Variants in TMEM94 observed in about 807,000 individuals in gnomAD.
The protein encoded by TMEM94 is ER Mg2+ ATPase.
Under a neutral mutation model 158.6 loss-of-function variants are expected in TMEM94, and 81 were observed. The ratio of observed to expected loss-of-function variants is 0.51; its 90% CI spans 0.43 to 0.61. TMEM94 has a LOEUF of 0.61. Ranked by LOEUF, TMEM94 falls within the 20% of genes least tolerant of loss-of-function variation. The probability of loss-of-function intolerance (pLI) is 0.00; values close to 1 mark genes in which losing one functional copy is unlikely to be tolerated. For synonymous variants in TMEM94, 751 were observed against 730.7 expected (o/e 1.03, Z -0.45); for missense variants, 1,435 against 1,762.0 (o/e 0.81, Z 3.32).
intron 2 of TMEM94, chr17:75,476,889 G>A (rs2050719857): frequency 1.6e-5 from 22 of 1,336,716 alleles, no homozygotes. Context: ...GGGTAGCTGG[G>A]ACCTGGGAAG....
chr17:75,495,341 T>C lies in TMEM94; in HGVS notation c.2786T>C (p.Leu929Pro). ...LLMEEEGHSDLISFQPTDSDI... is the reference protein window; with the variant it reads ...LLMEEEGHSDPISFQPTDSDI... ...ATGGAGGAGGAGGGCCACTCGGACC[T>C]CATCAGCTTCCAGCCTACGGACAGC... is the stretch of plus-strand genomic sequence containing the variant. Residue 929 changes from leucine (L) to proline (P), a missense_variant, in exon 21 of 32, where the codon CTC becomes CCC. Coordinates refer to ENST00000314256, the MANE Select transcript of TMEM94 (RefSeq NM_014738.6). The surrounding 1 kb of genome is among the most constrained non-coding windows in gnomAD (Gnocchi z 5.6). The C allele has an allele frequency of 6.2e-7, 1 of 1,613,880 alleles. No homozygotes were observed. Among genetic ancestry groups the C allele is most frequent in the South Asian group, 1.1e-5 (1 of 91,078 alleles).
chr17:75,474,969 A>G (rs2050625067), intron 2 of TMEM94, among the ~76,000 whole-genome samples: 1 of 152,218 alleles, frequency 6.6e-6, no homozygotes, highest in East Asian at 1.9e-4. Context: ...GGCAGGGCCC[A>G]GAGAGGGCTG....
intron 2 of TMEM94, among the ~76,000 whole-genome samples, chr17:75,480,564 G>A (rs2051081321): frequency 6.6e-6 from 1 of 152,212 alleles, no homozygotes; most frequent in African/African-American, 2.4e-5. Context: ...TTGGAATGAG[G>A]CAGCAGGTGT....
intron 2 of TMEM94, among the ~76,000 whole-genome samples, chr17:75,475,309 C>T (rs2050641567): frequency 6.6e-6 from 1 of 152,192 alleles, no homozygotes; most frequent in Non-Finnish European, 1.5e-5. Context: ...GAGTTGCACT[C>T]ATGAAAGGGA....
At chr17:75,475,435 A>T (rs753295200) in intron 2 of TMEM94, among the ~76,000 whole-genome samples, 1 of 152,182 alleles carries the variant, frequency 6.6e-6, no homozygotes, top group Non-Finnish European at 1.5e-5. Flanking sequence ...CACACTCTCC[A>T]GCTCTGGGAC....
At chr17:75,473,142 C>G (rs1179966379) in intron 2 of TMEM94, among the ~76,000 whole-genome samples, 1 of 152,178 alleles carries the variant, frequency 6.6e-6, no homozygotes, top group Non-Finnish European at 1.5e-5. Context: ...GGTTCACTCC[C>G]TGGGCCTCTG....
chr17:75,465,417 C>T (rs998132311), intron 1 of TMEM94, among the ~76,000 whole-genome samples: 9 of 151,316 alleles, frequency 5.9e-5, no homozygotes, highest in Admixed American at 5.3e-4. Flanking sequence ...CTGTTCAAAT[C>T]TCTGCCTGTT....
At chr17:75,496,179 C>A in intron 23 of TMEM94, 103 bp from the exon 24 acceptor site, 1 of 1,560,438 alleles carries the variant, frequency 6.4e-7, no homozygotes, top group Non-Finnish European at 8.8e-7. Context: ...CCGACCTCGC[C>A]CTGGCTGGGA....
intron 6 of TMEM94, 98 bp from the exon 7 acceptor site, chr17:75,488,661 C>T: frequency 6.9e-7 from 1 of 1,451,826 alleles, no homozygotes. Flanking sequence ...ACTGATGGCT[C>T]CTAACCCCAG....
At chr17:75,496,523 G>T in intron 24 of TMEM94, 52 bp downstream of exon 24, 2 of 1,579,642 alleles carry the variant, frequency 1.3e-6, no homozygotes, top group South Asian at 1.1e-5. Context: ...GACCCGCCTG[G>T]GGTGGGAGTA....
Position 75,488,015 on chromosome 17 carries a change from T to C in TMEM94, c.493T>C (p.Leu165=). The change falls in exon 6 of 32, where the codon TTG becomes CTG. Residue 165 remains leucine (L), a synonymous_variant. Transcript: ENST00000314256. ...CATGCCTTTTGCGCCATCCTGGTCC[T>C]TGCACTGGGCCTACAGAGACGGACA... ...LHMPFAPSWS[L]HWAYRDGHLV... 2 of 1,614,184 alleles carry C rather than the reference T, an allele frequency of 1.2e-6. No homozygotes were observed. Among genetic ancestry groups the C allele is most frequent in the Non-Finnish European group, 1.7e-6 (2 of 1,180,018 alleles).
At chr17:75,469,735 G>A (rs1056646853) in intron 1 of TMEM94, among the ~76,000 whole-genome samples, 2 of 149,512 alleles carry the variant, frequency 1.3e-5, no homozygotes, top group Non-Finnish European at 3.0e-5. Flanking sequence ...CAGATCACTT[G>A]AGGTCAGGAG....
Position 75,478,106 on chromosome 17 carries a change from C to T in TMEM94, c.24+6177C>T, listed in dbSNP as rs866393886. 1.7e-3 allele frequency among the ~76,000 whole-genome samples: 219 copies of T among 127,818 alleles called. 1 individual carries two copies. The highest frequency in any genetic ancestry group is 3.2e-3 in the South Asian group (12 of 3,792). The allele number at this position is 127,818 out of a possible 152,430, so 83.9% of individuals were successfully genotyped here. A position where few individuals can be genotyped will look rare whatever the true frequency, so the allele number is the denominator to read the frequency against. On this transcript the variant is annotated intron_variant, in intron 2 of 31. Coordinates refer to ENST00000314256, the MANE Select transcript of TMEM94 (RefSeq NM_014738.6). ...TCTCGGCTCACTGCAAGCTCCGCCT[C>T]CCGGGTTCACGCCATTCTCCTGCCT...
chr17:75,496,238 G>A, intron 23 of TMEM94, 44 bp from the exon 24 acceptor site: 1 of 1,612,610 alleles, frequency 6.2e-7, no homozygotes, highest in Non-Finnish European at 8.5e-7. Context: ...GCCCAGTCCT[G>A]TGGGAGATAC....
intron 1 of TMEM94, among the ~76,000 whole-genome samples, chr17:75,470,674 C>T (rs2050464043): frequency 6.6e-6 from 1 of 151,420 alleles, no homozygotes; most frequent in South Asian, 2.1e-4. Flanking sequence ...CACTGCACTC[C>T]AGCCTGGGCG....
At chr17:75,493,291 A>T (rs1384460588) in intron 16 of TMEM94, 189 bp downstream of exon 16, 1 of 840,660 alleles carries the variant, frequency 1.2e-6, no homozygotes, top group Admixed American at 2.5e-5. Context: ...AGAGGCCGGG[A>T]TTGTCCAAAG....
In TMEM94 at chr17:75,492,164, C is replaced by T; in HGVS notation, c.1596+264C>T. The T allele has an allele frequency of 9.4e-7, 1 of 1,059,572 alleles. No homozygotes were observed. The highest frequency in any genetic ancestry group is 1.3e-6 in the Non-Finnish European group (1 of 759,706). The allele number at this position is 1,059,572 out of a possible 1,614,324, so 65.6% of individuals were successfully genotyped here. ...TCCAAATATACACAGCCCGGAGCTC[C>T]CTCTTAGAGATGTTCCCTGGCCACA... On this transcript the variant is annotated intron_variant, in intron 14 of 31. Coordinates refer to ENST00000314256, the MANE Select transcript of TMEM94 (RefSeq NM_014738.6). The surrounding 1 kb of genome is among the most constrained non-coding windows in gnomAD (Gnocchi z 4.4).
rs1450342397 is a variant in TMEM94, at chr17:75,485,558, T to C, written c.144+11T>C. 6.2e-7 allele frequency: 1 copy of C among 1,614,076 alleles called. No homozygotes were observed. The highest frequency in any genetic ancestry group is 8.5e-7 in the Non-Finnish European group (1 of 1,179,958). On this transcript the variant is annotated intron_variant, in intron 3 of 31. Coordinates refer to ENST00000314256, the MANE Select transcript of TMEM94 (RefSeq NM_014738.6). The surrounding 1 kb of genome is among the most constrained non-coding windows in gnomAD (Gnocchi z 5.5). ...TGTCTGACGTGGAAGGTGAAGCTTC[T>C]TCTCGGGGCTACCAGGGCCTGGCTG...
chr17:75,497,322 G>T, intron 26 of TMEM94, 124 bp downstream of exon 26: 1 of 686,122 alleles, frequency 1.5e-6, no homozygotes, highest in Non-Finnish European at 2.5e-6. Flanking sequence ...GGTACAGGAG[G>T]CATGGAGGGA....
Sources: gnomAD v4.1 joint callset for allele counts (sites outside exome capture counted in the v4.1 genomes callset) on GRCh38, gnomAD v4.1.1 for gene constraint, Gnocchi (gnomAD v3.1) non-coding constraint, MANE v1.5 for transcripts, NCBI Gene and HGNC (gene_info 2026-07-23, HGNC 2026-07-21) for gene names.